The following FBN2 variants were observed in gnomAD, a reference collection of about 807,000 sequenced individuals.
FBN2 encodes fibrillin 2.
In FBN2, 105 loss-of-function variants were observed where a neutral mutation model predicts 355.6. That is an observed-to-expected ratio of 0.30 (90% CI 0.25 to 0.35). The LOEUF is 0.35. Among genes scored for constraint, FBN2 ranks in the 10% least tolerant of loss-of-function variants. The pLI, the probability that FBN2 is intolerant of heterozygous loss-of-function variation, is 1.00. For synonymous variants in FBN2, 1,350 were observed against 1,301.2 expected, an observed-to-expected ratio of 1.04 and a Z score of -0.81; for missense variants, 3,280 against 3,758.7, an observed-to-expected ratio of 0.87 and a Z score of 3.33.
chr5:128,349,986 C>T lies in FBN2; in HGVS notation c.2832G>A (p.Gly944=), dbSNP rs1751304292. Residue 944 remains glycine (G), a synonymous_variant, in exon 22 of 65, where the codon GGG becomes GGA. Transcript: ENST00000262464. ...ACGTAACACCTTTAATCCTGGCAAG[C>T]CCTCTTGGGCAAGCTGTATCTGTAA... ...RCELDTACPR[G]LARIKGVTCE... 1.9e-6 allele frequency: 3 copies of T among 1,613,940 alleles called. No homozygotes were observed. Among genetic ancestry groups the T allele is most frequent in the Non-Finnish European group, 1.7e-6 (2 of 1,179,790 alleles).
intron 5 of FBN2, among the ~76,000 whole-genome samples, chr5:128,488,253 C>T (rs1398854113): frequency 1.3e-5 from 2 of 152,146 alleles, no homozygotes; most frequent in East Asian, 3.9e-4. Flanking sequence ...ATCTTCTGGT[C>T]CAACTGCCAG....
At chr5:128,429,585 C>T (rs1474461843) in intron 7 of FBN2, among the ~76,000 whole-genome samples, 1 of 152,106 alleles carries the variant, frequency 6.6e-6, no homozygotes, top group African/African-American at 2.4e-5. Context: ...TAACATTATA[C>T]TTTGTGGAAA....
At chr5:128,423,590 C>G (rs934694538) in intron 7 of FBN2, among the ~76,000 whole-genome samples, 4 of 152,218 alleles carry the variant, frequency 2.6e-5, no homozygotes, top group Admixed American at 2.0e-4. Context: ...ACAGCCAAAC[C>G]ATATCACAAA....
intron 7 of FBN2, 44 bp downstream of exon 7, chr5:128,446,437 T>C: frequency 6.2e-7 from 1 of 1,606,786 alleles, no homozygotes; most frequent in South Asian, 1.1e-5. Context: ...TTTTCTTGCA[T>C]TAAAGTCACA....
At chr5:128,268,221 T>C (rs1202596816) in intron 62 of FBN2, among the ~76,000 whole-genome samples, 2 of 152,144 alleles carry the variant, frequency 1.3e-5, no homozygotes, top group Admixed American at 1.3e-4. Context: ...AAATACAAAC[T>C]ACCATCAGAG....
intron 25 of FBN2, among the ~76,000 whole-genome samples, chr5:128,340,326 G>A (rs868387024): frequency 2.0e-5 from 3 of 152,050 alleles, no homozygotes; most frequent in Non-Finnish European, 4.4e-5. Flanking sequence ...TCTGCTTTCT[G>A]CCAGCTTTTA....
intron 5 of FBN2, among the ~76,000 whole-genome samples, chr5:128,473,159 G>A (rs1754918257): frequency 6.6e-6 from 1 of 152,164 alleles, no homozygotes; most frequent in Non-Finnish European, 1.5e-5. Context: ...TGGGTCAAGT[G>A]TCCAGCTTGA....
intron 24 of FBN2, 54 bp downstream of exon 24, chr5:128,345,303 T>C (rs1751144154): frequency 7.2e-7 from 1 of 1,384,480 alleles, no homozygotes; most frequent in Non-Finnish European, 1.0e-6. Flanking sequence ...TCAGAGAATG[T>C]GGAAGGCTTC....
intron 5 of FBN2, among the ~76,000 whole-genome samples, chr5:128,492,365 T>C (rs1016877489): frequency 3.3e-5 from 5 of 152,278 alleles, no homozygotes; most frequent in South Asian, 2.1e-4. Flanking sequence ...GCCATGTAGG[T>C]AATAAATATG....
At chr5:128,351,710 G>C (rs555377401) in intron 20 of FBN2, among the ~76,000 whole-genome samples, 1 of 151,764 alleles carries the variant, frequency 6.6e-6, no homozygotes, top group African/African-American at 2.4e-5. Flanking sequence ...GATATTCTAA[G>C]AGGAGTTGTC....
intron 48 of FBN2, among the ~76,000 whole-genome samples, chr5:128,294,163 G>T (rs1749426044): frequency 6.6e-6 from 1 of 152,092 alleles, no homozygotes; most frequent in South Asian, 2.1e-4. Context: ...CAAAGGACAT[G>T]AACTCATCAT....
At chr5:128,390,162 A>G (rs1273007651) in intron 11 of FBN2, among the ~76,000 whole-genome samples, 4 of 152,128 alleles carry the variant, frequency 2.6e-5, no homozygotes, top group Non-Finnish European at 4.4e-5. Context: ...CTGAGCACAA[A>G]TCAATTTAAA....
At chr5:128,341,086 T>TG (rs1751006586) in intron 25 of FBN2, among the ~76,000 whole-genome samples, 1 of 152,096 alleles carries the variant, frequency 6.6e-6, no homozygotes, top group Admixed American at 6.5e-5. Flanking sequence ...GCCCCCAGCA[T>TG]GGGAGGAGAC....
chr5:128,522,013 T>C (rs1756446070), intron 4 of FBN2, among the ~76,000 whole-genome samples: 1 of 152,230 alleles, frequency 6.6e-6, no homozygotes, highest in South Asian at 2.1e-4. Flanking sequence ...TTGTTATTTT[T>C]AATGAATCAA....
chr5:128,299,522 T>A (rs1385618875), intron 48 of FBN2, among the ~76,000 whole-genome samples: 1 of 151,920 alleles, frequency 6.6e-6, no homozygotes, highest in African/African-American at 2.4e-5. Flanking sequence ...TATAATCTCC[T>A]GGTGCGCCGT....
chr5:128,393,041 A>G (rs546933326), intron 10 of FBN2, 94 bp downstream of exon 10: 508 of 1,018,178 alleles, frequency 5.0e-4, no homozygotes, highest in Non-Finnish European at 7.2e-4. Flanking sequence ...AAGTGTGTTC[A>G]TACAACCCTT....
chr5:128,260,007 T>C (rs1375152897), intron 64 of FBN2, among the ~76,000 whole-genome samples, 178 bp from the exon 65 acceptor site: 1 of 152,008 alleles, frequency 6.6e-6, no homozygotes, highest in African/African-American at 2.4e-5. Context: ...TTTTTGTCAG[T>C]TGGAAGAAAA....
At chr5:128,463,167 G>A (rs1434793321) in intron 6 of FBN2, among the ~76,000 whole-genome samples, 1 of 151,894 alleles carries the variant, frequency 6.6e-6, no homozygotes, top group African/African-American at 2.4e-5. Flanking sequence ...AAATTACATG[G>A]TAATCTGTAT....
intron 48 of FBN2, among the ~76,000 whole-genome samples, chr5:128,293,966 T>G (rs1484233038): frequency 6.6e-6 from 1 of 151,856 alleles, no homozygotes; most frequent in Non-Finnish European, 1.5e-5. Context: ...TAGGTATATC[T>G]CCCAATGCTA....
Sources: allele counts gnomAD v4.1 joint callset (sites outside exome capture counted in the v4.1 genomes callset), GRCh38; gene constraint gnomAD v4.1.1; transcripts MANE v1.5; gene names NCBI Gene and HGNC (gene_info 2026-07-23, HGNC 2026-07-21).